NHLRC2: variants seen among roughly 807,000 people sequenced by gnomAD.
The protein encoded by NHLRC2 is NHL repeat containing 2.
NHLRC2 carries 33 observed loss-of-function variants against 68.1 expected under a neutral mutation model. The observed-to-expected ratio is 0.48, with a 90% confidence interval of 0.37 to 0.65. The LOEUF (loss-of-function observed/expected upper bound fraction) is 0.65, where lower values mean the gene tolerates loss of function less well. Ranked by LOEUF, NHLRC2 falls within the 30% of genes least tolerant of loss-of-function variation. The pLI is 0.00. For missense variants in NHLRC2, 761 were observed against 853.8 expected (o/e 0.89, Z 1.35); for synonymous variants, 311 against 309.6 (o/e 1.00, Z -0.05).
Position 113,884,278 on chromosome 10 carries a change from A to C in NHLRC2, c.937A>C (p.Thr313Pro). Residue 313 changes from threonine (T) to proline (P), a missense_variant, in exon 5 of 11, where the codon ACT becomes CCT. Physicochemically the swap from Thr to Pro is conservative, Grantham distance 38 (BLOSUM62 -1). Coordinates refer to ENST00000369301, the MANE Select transcript of NHLRC2 (RefSeq NM_198514.4). ...TGACCTAGAAGCTGAGAAGGTGAGC[A>C]CTGTAGCTGGTATTGGAATTCAAGG... Reference protein sequence around the residue: ...KIDLEAEKVSTVAGIGIQGTD... With the variant: ...KIDLEAEKVSPVAGIGIQGTD... The C allele has an allele frequency of 1.9e-6, 3 of 1,610,340 alleles. No homozygotes were observed. The highest frequency in any genetic ancestry group is 2.5e-6 in the Non-Finnish European group (3 of 1,177,136).
At chr10:113,877,288 T>G (rs1440220052) in intron 3 of NHLRC2, among the ~76,000 whole-genome samples, 1 of 151,980 alleles carries the variant, frequency 6.6e-6, no homozygotes, top group Non-Finnish European at 1.5e-5. Flanking sequence ...CTGTTTCTTA[T>G]GAAAACATAC....
In NHLRC2 at chr10:113,884,362, G is replaced by A. The variant is rs200484926; in HGVS notation, c.1021G>A (p.Val341Ile). Residue 341 changes from valine (V) to isoleucine (I), a missense_variant, in exon 5 of 11, where the codon GTA (valine) becomes ATA (isoleucine). Coordinates refer to ENST00000369301, the MANE Select transcript of NHLRC2 (RefSeq NM_198514.4). ...EQQPISSPWD[V>I]VFGTSGSEVQ... ...ACAACCCATTAGTTCCCCTTGGGATGTAGTTTTTGGAACATCAGGTATGTG... is the reference window on the plus strand; with the variant it reads ...ACAACCCATTAGTTCCCCTTGGGATATAGTTTTTGGAACATCAGGTATGTG... 18 of 1,609,062 alleles carry A rather than the reference G, an allele frequency of 1.1e-5. No individual in the cohort carries two copies. In the African/African-American group the frequency reaches 2.0e-4, roughly 18 times the overall value.
At chr10:113,864,785 C>G (rs1845849199) in intron 2 of NHLRC2, among the ~76,000 whole-genome samples, 1 of 151,642 alleles carries the variant, frequency 6.6e-6, no homozygotes, top group Admixed American at 6.6e-5. Flanking sequence ...TTGTGCACCA[C>G]TGGGAGGGTT....
In NHLRC2 at chr10:113,911,741, C is replaced by T. The variant is rs762736335; in HGVS notation, c.*3205C>T. 6.6e-6 allele frequency: 1 copy of T among 152,156 alleles called. No homozygotes were observed. Among genetic ancestry groups the T allele is most frequent in the Non-Finnish European group, 1.5e-5 (1 of 68,004 alleles). The allele number at this position is 152,156 out of a possible 1,614,324, so 9.4% of individuals were successfully genotyped here. ...AATACGATAGTTAGATTTGGCATCA[C>T]GTTTAACCACAATCATCAAAATCTA... On this transcript the variant is annotated 3_prime_UTR_variant, in exon 11 of 11. Coordinates refer to ENST00000369301, the MANE Select transcript of NHLRC2 (RefSeq NM_198514.4).
chr10:113,860,392 A>G (rs1239732878), intron 2 of NHLRC2, among the ~76,000 whole-genome samples: 1 of 152,152 alleles, frequency 6.6e-6, no homozygotes, highest in Non-Finnish European at 1.5e-5. Context: ...ACATTGTGAC[A>G]AAAAAATTAA....
At chr10:113,858,490 C>G in intron 1 of NHLRC2, 38 bp from the exon 2 acceptor site, 1 of 1,440,564 alleles carries the variant, frequency 6.9e-7, no homozygotes, top group Non-Finnish European at 9.6e-7. Flanking sequence ...TTTTATCTTT[C>G]TCTTTAATCA....
In NHLRC2 at chr10:113,906,549, AAG is replaced by A. The variant is rs201280077; in HGVS notation, c.1924+1514_1924+1515del. The stretch of plus-strand genomic sequence containing the variant: ...ATGCAAGTTTTAAGCCAAAAAAAAA[AAG>A]GCAGCATAAAAGCACCACATGTGTT... On this transcript the variant is annotated intron_variant, in intron 10 of 10. Coordinates refer to ENST00000369301, the MANE Select transcript of NHLRC2 (RefSeq NM_198514.4). 9.3e-3 allele frequency among the ~76,000 whole-genome samples: 1,418 copies of A among 152,138 alleles called. 27 individuals carry two copies. The highest frequency in any genetic ancestry group is 0.032 in the African/African-American group (1,336 of 41,512).
At chr10:113,890,260 A>T (rs934046554) in intron 5 of NHLRC2, among the ~76,000 whole-genome samples, 9 of 152,116 alleles carry the variant, frequency 5.9e-5, no homozygotes, top group African/African-American at 1.9e-4. Context: ...TTCATTTTTG[A>T]AAGTTATTTT....
At chr10:113,864,710 C>CA (rs1554899702) in intron 2 of NHLRC2, among the ~76,000 whole-genome samples, 5 of 147,392 alleles carry the variant, frequency 3.4e-5, no homozygotes, top group Non-Finnish European at 4.5e-5. Context: ...AAAAAAAAAA[C>CA]CACACACACA....
At chr10:113,895,904 A>C (rs1364613077) in intron 5 of NHLRC2, among the ~76,000 whole-genome samples, 1 of 152,196 alleles carries the variant, frequency 6.6e-6, no homozygotes, top group African/African-American at 2.4e-5. Context: ...GAGGACTTGA[A>C]AACATAATCA....
At chr10:113,857,161 A>C (rs1042438301) in intron 1 of NHLRC2, among the ~76,000 whole-genome samples, 1 of 152,156 alleles carries the variant, frequency 6.6e-6, no homozygotes, top group African/African-American at 2.4e-5. Flanking sequence ...TTGTAAAATA[A>C]ATTTTATTAA....
chr10:113,871,181 C>T (rs1451733278), intron 2 of NHLRC2, among the ~76,000 whole-genome samples: 2 of 151,984 alleles, frequency 1.3e-5, no homozygotes, highest in East Asian at 3.9e-4. Flanking sequence ...TGTGCCACCA[C>T]GCCCGGCTAA....
rs1173581741 is a variant in NHLRC2 at position 113,915,323 on chromosome 10, C to G, written c.*6787C>G. On this transcript the variant is annotated 3_prime_UTR_variant, in exon 11 of 11. Coordinates refer to ENST00000369301, the MANE Select transcript of NHLRC2 (RefSeq NM_198514.4). ...CAAGCACAAATGAACACTAAATAGC[C>G]TTATACCAAAAAGCATTCTTGTAAC... 1 of 426,580 alleles carries G rather than the reference C, an allele frequency of 2.3e-6. No individual in the cohort carries two copies. The highest frequency in any genetic ancestry group is 2.0e-5 in the African/African-American group (1 of 49,080). The allele number at this position is 426,580 out of a possible 1,614,324, so 26.4% of individuals were successfully genotyped here. A position where few individuals can be genotyped will look rare whatever the true frequency, so the allele number is the denominator to read the frequency against.
chr10:113,863,194 A>G (rs549478316), intron 2 of NHLRC2, among the ~76,000 whole-genome samples: 2 of 152,314 alleles, frequency 1.3e-5, no homozygotes, highest in African/African-American at 4.8e-5. Context: ...CGTATGGGAC[A>G]TTTTCCAGGA....
intron 5 of NHLRC2, among the ~76,000 whole-genome samples, chr10:113,887,541 G>A (rs1272341188): frequency 3.9e-5 from 6 of 151,996 alleles, no homozygotes; most frequent in Admixed American, 6.5e-5. Context: ...AGGCTGAGGC[G>A]GCCAGATCAC....
In NHLRC2 at chr10:113,908,736, A is replaced by G; in HGVS notation, c.*200A>G. On this transcript the variant is annotated 3_prime_UTR_variant, in exon 11 of 11. Coordinates refer to ENST00000369301, the MANE Select transcript of NHLRC2 (RefSeq NM_198514.4). Reference sequence around the variant, plus strand: ...TAAACAAATTCCTTTGCTTTGGCTGATACTAGCTGAGTCATTGATCATCAT... The same window carrying G: ...TAAACAAATTCCTTTGCTTTGGCTGGTACTAGCTGAGTCATTGATCATCAT... 1 of 580,736 alleles carries G rather than the reference A, an allele frequency of 1.7e-6. No individual in the cohort carries two copies. Among genetic ancestry groups the G allele is most frequent in the Non-Finnish European group, 3.0e-6 (1 of 328,808 alleles). 36.0% of individuals were successfully genotyped at this position (580,736 alleles called of 1,614,324 possible).
chr10:113,876,392 G>A (rs193263710), intron 2 of NHLRC2, 129 bp from the exon 3 acceptor site: 226 of 535,276 alleles, frequency 4.2e-4, no homozygotes, highest in Non-Finnish European at 6.5e-4. Context: ...AGATCCCAGC[G>A]TAGTTCTACT....
At chr10:113,898,562 A>G (rs531630004) in intron 6 of NHLRC2, among the ~76,000 whole-genome samples, 1 of 152,224 alleles carries the variant, frequency 6.6e-6, no homozygotes, top group Non-Finnish European at 1.5e-5. Flanking sequence ...TTTATCAGCC[A>G]GAGTAAGTCT....
In NHLRC2 at chr10:113,912,446, T is replaced by A. The variant is rs1291952596; in HGVS notation, c.*3910T>A. 6.6e-6 allele frequency: 1 copy of A among 152,154 alleles called. No homozygotes were observed. Among genetic ancestry groups the A allele is most frequent in the Non-Finnish European group, 1.5e-5 (1 of 68,016 alleles). The allele number at this position is 152,154 out of a possible 1,614,324, so 9.4% of individuals were successfully genotyped here. A position where few individuals can be genotyped will look rare whatever the true frequency, so the allele number is the denominator to read the frequency against. On this transcript the variant is annotated 3_prime_UTR_variant, in exon 11 of 11. Transcript: ENST00000369301. ...GCATATAACTATTTTATAAACAACA[T>A]TGTAGTTATAAAGAAGCATGCCTAT... is the stretch of plus-strand genomic sequence containing the variant.
Sources: gnomAD v4.1 joint callset for allele counts (sites outside exome capture counted in the v4.1 genomes callset) on GRCh38, gnomAD v4.1.1 for gene constraint, MANE v1.5 for transcripts, NCBI Gene and HGNC (gene_info 2026-07-23, HGNC 2026-07-21) for gene names.